The following PLCZ1 variants were observed in gnomAD, a reference collection of about 807,000 sequenced individuals.
The protein encoded by PLCZ1 is phospholipase C zeta 1.
In PLCZ1, 64 loss-of-function variants were observed where a neutral mutation model predicts 76.8. That is an observed-to-expected ratio of 0.83 (90% confidence interval 0.68 to 1.03). The LOEUF (loss-of-function observed/expected upper bound fraction) is 1.03, where lower values mean the gene tolerates loss of function less well. Ranked by LOEUF, PLCZ1 falls within the 50% of genes least tolerant of loss-of-function variation. The pLI is 0.00. For missense variants in PLCZ1, 751 were observed against 713.7 expected, an observed-to-expected ratio of 1.05 and a Z score of -0.60; for synonymous variants, 248 against 230.8, an observed-to-expected ratio of 1.07 and a Z score of -0.68.
intron 12 of PLCZ1, among the ~76,000 whole-genome samples, chr12:18,690,838 A>G (rs1953957369): frequency 6.6e-6 from 1 of 152,176 alleles, no homozygotes; most frequent in Admixed American, 6.5e-5. Context: ...CTAGTTCCAC[A>G]TGGTTGTAGA....
chr12:18,683,988 G>A, intron 14 of PLCZ1, 142 bp downstream of exon 14: 1 of 1,046,512 alleles, frequency 9.6e-7, no homozygotes, highest in Non-Finnish European at 1.4e-6. Context: ...TAATTCCACA[G>A]AGAAAAAATA....
chr12:18,655,336 A>G, the PLCZ1 span, among the ~76,000 whole-genome samples: 1 of 152,206 alleles, frequency 6.6e-6, no homozygotes, highest in Non-Finnish European at 1.5e-5. Flanking sequence ...AGCTGGGACA[A>G]GTTGGGTAAG....
intron 6 of PLCZ1, among the ~76,000 whole-genome samples, chr12:18,710,429 C>G (rs1242531405): frequency 6.6e-6 from 1 of 151,786 alleles, no homozygotes; most frequent in Non-Finnish European, 1.5e-5. Context: ...GATGGAGTAG[C>G]AGGAGAGTTA....
chr12:18,658,519 T>C, the PLCZ1 span, among the ~76,000 whole-genome samples: 22 of 152,084 alleles, frequency 1.4e-4, no homozygotes, highest in African/African-American at 5.3e-4. Flanking sequence ...AGGCCAGACA[T>C]ATGAAATATT....
At chr12:18,646,591 A>G in the PLCZ1 span, among the ~76,000 whole-genome samples, 649 of 152,276 alleles carry the variant, frequency 4.3e-3, 24 homozygotes, top group Admixed American at 0.035. Flanking sequence ...GAGGCCACCC[A>G]GTGAACTCAG....
At chr12:18,716,024 C>A (rs903247936) in intron 5 of PLCZ1, among the ~76,000 whole-genome samples, 22 of 152,048 alleles carry the variant, frequency 1.4e-4, no homozygotes, top group African/African-American at 4.8e-4. Flanking sequence ...TGTAGAATTG[C>A]AAATGAATAT....
At chr12:18,682,379 T>G (rs901042124), downstream of PLCZ1, among the ~76,000 whole-genome samples, 3 of 152,044 alleles carry the variant, frequency 2.0e-5, no homozygotes, top group African/African-American at 7.2e-5. Flanking sequence ...TCCCTGACTT[T>G]GTCAAACTTT....
chr12:18,661,494 CTG>C, the PLCZ1 span, among the ~76,000 whole-genome samples: 1 of 152,166 alleles, frequency 6.6e-6, no homozygotes, highest in East Asian at 1.9e-4. Flanking sequence ...ACCATGAATC[CTG>C]TATCTAGCAA....
the PLCZ1 span, among the ~76,000 whole-genome samples, chr12:18,650,718 A>C: frequency 0.015 from 108 of 7,080 alleles, no homozygotes; most frequent in East Asian, 0.07. Context: ...ATATCTATAT[A>C]TATATATATA....
downstream of PLCZ1, among the ~76,000 whole-genome samples, chr12:18,682,424 AT>A (rs1952507221): frequency 6.6e-6 from 1 of 152,038 alleles, no homozygotes; most frequent in South Asian, 2.1e-4. Context: ...CTATGCAACA[AT>A]GTGGTAGAAT....
chr12:18,689,307 C>T (rs1953698443), intron 12 of PLCZ1, among the ~76,000 whole-genome samples: 1 of 151,980 alleles, frequency 6.6e-6, no homozygotes, highest in Admixed American at 6.6e-5. Context: ...TTTTGAAAAA[C>T]ATAATTGAAT....
the PLCZ1 span, among the ~76,000 whole-genome samples, chr12:18,661,150 AC>A: frequency 6.6e-6 from 1 of 152,104 alleles, no homozygotes; most frequent in Non-Finnish European, 1.5e-5. Flanking sequence ...ACAGAGCCTA[AC>A]CAACCTGTAG....
chr12:18,661,192 G>T, the PLCZ1 span, among the ~76,000 whole-genome samples: 1 of 152,108 alleles, frequency 6.6e-6, no homozygotes, highest in African/African-American at 2.4e-5. Flanking sequence ...CATATCCATT[G>T]TAAGAGTTCT....
chr12:18,650,345 A>G, the PLCZ1 span, among the ~76,000 whole-genome samples: 3 of 127,704 alleles, frequency 2.3e-5, no homozygotes, highest in Admixed American at 7.5e-5. Flanking sequence ...ATATATATAT[A>G]TATGTGTGTG....
At chr12:18,717,139 G>A (rs910526913) in intron 5 of PLCZ1, among the ~76,000 whole-genome samples, 1 of 152,070 alleles carries the variant, frequency 6.6e-6, no homozygotes. Flanking sequence ...TTAAATTTAA[G>A]TGTAAATTTG....
At position 18,688,129 on chromosome 12, in the gene PLCZ1, A is replaced by T. The variant is rs1295277613; in HGVS notation, c.1551T>A (p.Asn517Lys). ...LVIIEVFGVP[N>K]DQMKQQTRVI... is the part of the protein sequence containing the mutation. Reference sequence around the variant, plus strand: ...CACGAGTCTGCTGCTTCATTTGATCATTTGGAACACCAAAAACTTCTATAA... The same window carrying T: ...CACGAGTCTGCTGCTTCATTTGATCTTTTGGAACACCAAAAACTTCTATAA... The change falls in exon 13 of 15, where the codon AAT becomes AAA. Residue 517 changes from asparagine (N) to lysine (K), a missense_variant. Physicochemically the swap from Asn to Lys is moderately conservative, Grantham distance 94. Transcript: ENST00000266505. 2 of 1,611,776 alleles carry T rather than the reference A, an allele frequency of 1.2e-6. No homozygotes were observed. The highest frequency in any genetic ancestry group is 4.5e-5 in the East Asian group (2 of 44,696).
intron 10 of PLCZ1, 144 bp downstream of exon 10, chr12:18,699,650 A>T: frequency 1.2e-6 from 1 of 853,342 alleles, no homozygotes; most frequent in Non-Finnish European, 1.9e-6. Context: ...GACCTGAGGT[A>T]TGTAACCCCA....
chr12:18,654,032 G>A, the PLCZ1 span, among the ~76,000 whole-genome samples: 1 of 152,030 alleles, frequency 6.6e-6, no homozygotes, highest in Admixed American at 6.6e-5. Flanking sequence ...CTTACTATCA[G>A]AGCAATGGTA....
At chr12:18,696,358 A>G (rs1164420575) in intron 10 of PLCZ1, 92 bp from the exon 11 acceptor site, 1 of 250,764 alleles carries the variant, frequency 4.0e-6, no homozygotes, top group Non-Finnish European at 6.7e-6. Context: ...ATATCATATA[A>G]TTCTATAATA....
Sources: gnomAD v4.1 joint callset for allele counts (sites outside exome capture counted in the v4.1 genomes callset) on GRCh38, gnomAD v4.1.1 for gene constraint, MANE v1.5 for transcripts, NCBI Gene and HGNC (gene_info 2026-07-23, HGNC 2026-07-21) for gene names.